RARB: variants seen among roughly 807,000 people sequenced by gnomAD.
RARB encodes HBV-activated protein.
In RARB, 17 loss-of-function variants were observed where a neutral mutation model predicts 51.9. The observed-to-expected ratio is 0.33, with a 90% CI of 0.22 to 0.49. The LOEUF (loss-of-function observed/expected upper bound fraction) is 0.49, where lower values mean the gene tolerates loss of function less well. RARB is among the 20% of genes least tolerant of loss of function. The pLI, the probability that RARB is intolerant of heterozygous loss-of-function variation, is 0.99. For synonymous variants in RARB, 215 were observed against 195.4 expected, an observed-to-expected ratio of 1.10 and a Z score of -0.84; for missense variants, 369 against 550.8, an observed-to-expected ratio of 0.67 and a Z score of 3.30.
intron 5 of RARB, among the ~76,000 whole-genome samples, chr3:25,322,958 G>A (rs2125440404): frequency 6.6e-6 from 1 of 152,296 alleles, no homozygotes; most frequent in South Asian, 2.1e-4. Context: ...CAAAAATTTA[G>A]GCAGCACTCA....
At chr3:24,922,800 C>A (rs1010553020) in intron 2 of RARB, among the ~76,000 whole-genome samples, 2 of 152,152 alleles carry the variant, frequency 1.3e-5, no homozygotes, top group Non-Finnish European at 2.9e-5. Context: ...CAGCTGGCTG[C>A]TTCCAACTCT....
At chr3:25,137,775 A>G (rs142695878) in intron 4 of RARB, among the ~76,000 whole-genome samples, 8 of 152,222 alleles carry the variant, frequency 5.3e-5, no homozygotes, top group African/African-American at 1.9e-4. Flanking sequence ...TTGGCATTCT[A>G]TAAGGAATGT....
At chr3:25,187,353 G>C (rs1251123371) in intron 5 of RARB, among the ~76,000 whole-genome samples, 3 of 151,976 alleles carry the variant, frequency 2.0e-5, no homozygotes. Context: ...GTACTTCTTG[G>C]TGGTGCAGTG....
chr3:24,955,799 G>T (rs997499335), intron 2 of RARB, among the ~76,000 whole-genome samples: 1 of 152,078 alleles, frequency 6.6e-6, no homozygotes, highest in Non-Finnish European at 1.5e-5. Flanking sequence ...TAGGGAAGGC[G>T]GGGAGTGGAG....
At chr3:25,026,525 C>T (rs1219354516) in intron 2 of RARB, among the ~76,000 whole-genome samples, 1 of 152,144 alleles carries the variant, frequency 6.6e-6, no homozygotes, top group Non-Finnish European at 1.5e-5. Context: ...ATCCAAATTT[C>T]CTATTCTTAT....
intron 5 of RARB, among the ~76,000 whole-genome samples, chr3:25,264,179 T>C (rs73821773): frequency 0.012 from 1,798 of 152,254 alleles, 36 homozygotes; most frequent in African/African-American, 0.041. Context: ...GCCAATGATA[T>C]TTTTCACTGA....
At chr3:24,922,978 C>A (rs1695249627) in intron 2 of RARB, among the ~76,000 whole-genome samples, 1 of 152,136 alleles carries the variant, frequency 6.6e-6, no homozygotes, top group Non-Finnish European at 1.5e-5. Flanking sequence ...GACAAAGAGA[C>A]TATATTTTTT....
At chr3:25,432,455 C>G (rs920159706) in intron 1 of RARB, among the ~76,000 whole-genome samples, 10 of 152,196 alleles carry the variant, frequency 6.6e-5, no homozygotes, top group Non-Finnish European at 1.2e-4. Context: ...TGCATTGAAG[C>G]AGGTCTTTTT....
intron 5 of RARB, among the ~76,000 whole-genome samples, chr3:25,310,695 G>C (rs1704267507): frequency 1.3e-5 from 2 of 152,024 alleles, no homozygotes; most frequent in African/African-American, 4.8e-5. Flanking sequence ...TCCTTGTCTG[G>C]GCTACCATTT....
At chr3:25,437,322 A>G (rs1357299332) in intron 1 of RARB, among the ~76,000 whole-genome samples, 1 of 152,098 alleles carries the variant, frequency 6.6e-6, no homozygotes, top group Non-Finnish European at 1.5e-5. Flanking sequence ...GTCACCTTCA[A>G]AGTTGTCACA....
chr3:25,400,479 G>C (rs1707234486), intron 5 of RARB, among the ~76,000 whole-genome samples: 1 of 152,096 alleles, frequency 6.6e-6, no homozygotes, highest in East Asian at 1.9e-4. Context: ...AATAGTATGA[G>C]GTTTCGAAGA....
rs11311604 is a variant in RARB, at chr3:25,447,018, G to GA, written c.158-14164dup. On this transcript the variant is annotated intron_variant, in intron 1 of 7. Coordinates refer to ENST00000330688, the MANE Select transcript of RARB (RefSeq NM_000965.5). Reference sequence around the variant, plus strand: ...GGTGAATAACAGAGATTTAAAAAAAGAAAAAAAAAAACTGATCGTGTTAAT... The same window carrying GA: ...GGTGAATAACAGAGATTTAAAAAAAGAAAAAAAAAAAACTGATCGTGTTAAT... Among the ~76,000 whole-genome samples the GA allele has an allele frequency of 1.5e-3, 226 of 146,818 alleles. 1 individual carries two copies. The highest frequency in any genetic ancestry group is 3.5e-3 in the Middle Eastern group (1 of 282).
chr3:24,874,063 A>AAT, intron 2 of RARB, among the ~76,000 whole-genome samples: 1 of 152,200 alleles, frequency 6.6e-6, no homozygotes, highest in African/African-American at 2.4e-5. Flanking sequence ...AATGATTTGA[A>AAT]ATATACGAGA....
At chr3:25,362,764 G>A (rs566209859) in intron 5 of RARB, among the ~76,000 whole-genome samples, 2 of 152,276 alleles carry the variant, frequency 1.3e-5, no homozygotes, top group East Asian at 1.9e-4. Flanking sequence ...GTGAAGCAGT[G>A]CCCCACCCTG....
chr3:25,572,198 G>A (rs1700738863), intron 4 of RARB, among the ~76,000 whole-genome samples: 1 of 152,196 alleles, frequency 6.6e-6, no homozygotes, highest in African/African-American at 2.4e-5. Context: ...CAAGTGGGAA[G>A]TGAGAATGGG....
At chr3:25,253,816 G>A (rs1177599134) in intron 5 of RARB, among the ~76,000 whole-genome samples, 17 of 151,934 alleles carry the variant, frequency 1.1e-4, no homozygotes, top group Non-Finnish European at 2.1e-4. Context: ...CTTTTCCATC[G>A]AGCCCTAGTG....
At chr3:25,157,444 C>G (rs985782349) in intron 4 of RARB, among the ~76,000 whole-genome samples, 5 of 151,588 alleles carry the variant, frequency 3.3e-5, no homozygotes, top group Non-Finnish European at 7.4e-5. Flanking sequence ...CATCCTGTCA[C>G]CCAGGCTGGA....
intron 2 of RARB, among the ~76,000 whole-genome samples, chr3:24,965,554 C>T (rs1369899216): frequency 6.6e-6 from 1 of 152,144 alleles, no homozygotes; most frequent in Non-Finnish European, 1.5e-5. Context: ...CCAGATTGTT[C>T]ATTTGAATTC....
chr3:25,267,651 T>A (rs1703157718), intron 5 of RARB, among the ~76,000 whole-genome samples: 2 of 152,182 alleles, frequency 1.3e-5, no homozygotes, highest in Admixed American at 6.6e-5. Flanking sequence ...ATTTTTATTC[T>A]GTAGCAAATG....
Sources: gnomAD v4.1 joint callset for allele counts (sites outside exome capture counted in the v4.1 genomes callset) on GRCh38, gnomAD v4.1.1 for gene constraint, MANE v1.5 for transcripts, NCBI Gene and HGNC (gene_info 2026-07-23, HGNC 2026-07-21) for gene names.